Variants in XKR6 observed in about 807,000 individuals in gnomAD.
XKR6 encodes the protein XK-related protein 6.
Under a neutral mutation model 56.7 loss-of-function variants are expected in XKR6, and 22 were observed. The observed-to-expected ratio is 0.39, with a 90% CI of 0.28 to 0.55. The LOEUF (loss-of-function observed/expected upper bound fraction) is 0.55. Ranked by LOEUF, XKR6 falls within the 20% of genes least tolerant of loss-of-function variation. XKR6 has a pLI of 0.66. For synonymous variants in XKR6, 524 were observed against 387.8 expected, an observed-to-expected ratio of 1.35 and a Z score of -4.13; for missense variants, 852 against 889.0, an observed-to-expected ratio of 0.96 and a Z score of 0.53.
intron 1 of XKR6, among the ~76,000 whole-genome samples, chr8:10,949,914 G>C (rs1007960011): frequency 6.6e-6 from 1 of 152,104 alleles, no homozygotes; most frequent in African/African-American, 2.4e-5. Context: ...GGCCTGTCTT[G>C]ACTCAGGGGT....
chr8:11,137,830 T>C (rs1342790663), intron 1 of XKR6: 1 of 374,654 alleles, frequency 2.7e-6, no homozygotes, highest in Non-Finnish European at 5.3e-6. Flanking sequence ...CTCTAGAATC[T>C]TCAATTAAGG....
chr8:11,079,878 G>A (rs560686366), intron 1 of XKR6, among the ~76,000 whole-genome samples: 2 of 152,058 alleles, frequency 1.3e-5, no homozygotes, highest in Admixed American at 1.3e-4. Flanking sequence ...GAGGCAGGAG[G>A]ATCACTTGAA....
At chr8:10,951,623 CATGA>C (rs1159971700) in intron 1 of XKR6, among the ~76,000 whole-genome samples, 1 of 152,196 alleles carries the variant, frequency 6.6e-6, no homozygotes, top group Non-Finnish European at 1.5e-5. Flanking sequence ...AAGGCTGGTC[CATGA>C]CCTAACGGCC....
At chr8:10,942,007 G>C (rs1192693601) in intron 1 of XKR6, among the ~76,000 whole-genome samples, 1 of 152,220 alleles carries the variant, frequency 6.6e-6, no homozygotes, top group Non-Finnish European at 1.5e-5. Context: ...GCAGAGCACA[G>C]CTTTTCTCTG....
At chr8:10,964,904 G>A (rs756362986) in intron 1 of XKR6, among the ~76,000 whole-genome samples, 15 of 152,216 alleles carry the variant, frequency 9.9e-5, no homozygotes, top group Middle Eastern at 3.2e-3. Context: ...TAGTTTCCCC[G>A]GCCAGCGCTC....
At chr8:11,154,445 C>A (rs1024099859) in intron 1 of XKR6, among the ~76,000 whole-genome samples, 1 of 152,258 alleles carries the variant, frequency 6.6e-6, no homozygotes, top group Non-Finnish European at 1.5e-5. Context: ...TTCCCAGACT[C>A]TGCCCCATGG....
chr8:10,907,829 G>A (rs544639359), intron 2 of XKR6, among the ~76,000 whole-genome samples: 5 of 152,298 alleles, frequency 3.3e-5, no homozygotes, highest in East Asian at 3.9e-4. Flanking sequence ...CCCACCCCGC[G>A]GAGGCCCTGC....
At chr8:10,939,598 A>G (rs1801329725) in intron 1 of XKR6, among the ~76,000 whole-genome samples, 2 of 152,238 alleles carry the variant, frequency 1.3e-5, no homozygotes, top group East Asian at 1.9e-4. Flanking sequence ...ACCTGATTCT[A>G]TGAGCGCTTG....
At chr8:10,974,155 C>T (rs1346400062) in intron 1 of XKR6, among the ~76,000 whole-genome samples, 1 of 152,184 alleles carries the variant, frequency 6.6e-6, no homozygotes, top group Non-Finnish European at 1.5e-5. Context: ...AGAGTAAGTA[C>T]CCCAGGAGGT....
intron 1 of XKR6, chr8:11,109,186 A>G (rs1309537725): frequency 6.6e-6 from 1 of 152,160 alleles, no homozygotes. Context: ...TTGGAACCTT[A>G]TTTCCCTATG....
intron 2 of XKR6, among the ~76,000 whole-genome samples, chr8:10,909,821 A>G (rs1800296756): frequency 6.6e-6 from 1 of 152,182 alleles, no homozygotes. Flanking sequence ...CTCTGTGCAT[A>G]TGTTATTTCA....
chr8:11,033,304 G>A (rs1333920750), intron 1 of XKR6, among the ~76,000 whole-genome samples: 1 of 145,680 alleles, frequency 6.9e-6, no homozygotes, highest in Non-Finnish European at 1.5e-5. Context: ...GATGGTGGTG[G>A]TGATGATGAT....
At chr8:11,087,499 C>T (rs1797928514) in intron 1 of XKR6, among the ~76,000 whole-genome samples, 1 of 152,160 alleles carries the variant, frequency 6.6e-6, no homozygotes, top group South Asian at 2.1e-4. Flanking sequence ...GGCTGGCAGG[C>T]TTATGGACAA....
At chr8:11,085,382 C>A (rs1465385781) in intron 1 of XKR6, among the ~76,000 whole-genome samples, 2 of 152,204 alleles carry the variant, frequency 1.3e-5, no homozygotes, top group Admixed American at 1.3e-4. Context: ...CCACATCCTC[C>A]TGCAGGGGAC....
At chr8:10,951,535 G>A (rs56166963) in intron 1 of XKR6, among the ~76,000 whole-genome samples, 9,620 of 152,318 alleles carry the variant, frequency 0.063, 344 homozygotes, top group Middle Eastern at 0.14. Context: ...TTCACACTGC[G>A]TGGCTTCTTT....
rs1804141324 is a variant in XKR6 at position 11,200,368 on chromosome 8, C to A, written c.764+208G>T. On this transcript the variant is annotated intron_variant, in intron 1 of 2. Coordinates refer to ENST00000416569, the MANE Select transcript of XKR6 (RefSeq NM_173683.4). This position sits in a 1 kb window ranked among gnomAD's most constrained non-coding sequence, Gnocchi z 6.4. Reference sequence around the variant, plus strand: ...CGAAGCGGGGACGAGGACGGGCCAACGGCAGGTCTCGGCCTCCCCGGGCCA... The same window carrying A: ...CGAAGCGGGGACGAGGACGGGCCAAAGGCAGGTCTCGGCCTCCCCGGGCCA... 6.6e-6 allele frequency among the ~76,000 whole-genome samples: 1 copy of A among 152,198 alleles called. No individual in the cohort carries two copies. Among genetic ancestry groups the A allele is most frequent in the Non-Finnish European group, 1.5e-5 (1 of 68,012 alleles).
chr8:10,961,587 G>C (rs946922649), intron 1 of XKR6, among the ~76,000 whole-genome samples: 6 of 152,210 alleles, frequency 3.9e-5, no homozygotes, highest in Non-Finnish European at 1.5e-5. Context: ...TTTTTGGGCA[G>C]AACCTCCTTC....
intron 1 of XKR6, among the ~76,000 whole-genome samples, chr8:11,097,005 A>G (rs1318969949): frequency 6.6e-6 from 1 of 152,206 alleles, no homozygotes; most frequent in African/African-American, 2.4e-5. Context: ...TGCTCCATCA[A>G]TCAATGCCAC....
chr8:11,201,237 C>G lies in XKR6; in HGVS notation c.103G>C (p.Gly35Arg), dbSNP rs1169355858. Residue 35 changes from glycine to arginine, a missense_variant, in exon 1 of 3, where the codon GGG (glycine) becomes CGG (arginine). By Grantham distance (125) the Gly-to-Arg change is moderately radical (BLOSUM62 -2). Transcript: ENST00000416569. ...GSGGEEDGEP[G>R]GGGCGGGGDG... ...CCGCCGCCGCCGCAGCCGCCTCCCC[C>G]GGGCTCCCCGTCCTCCTCGCCGCCG... 29 of 1,555,700 alleles carry G rather than the reference C, an allele frequency of 1.9e-5. No homozygotes were observed. The South Asian group carries it at 2.6e-4, about 14-fold the overall frequency.
Sources: gnomAD v4.1 joint callset for allele counts (sites outside exome capture counted in the v4.1 genomes callset) on GRCh38, gnomAD v4.1.1 for gene constraint, Gnocchi (gnomAD v3.1) non-coding constraint, MANE v1.5 for transcripts, NCBI Gene and HGNC (gene_info 2026-07-23, HGNC 2026-07-21) for gene names.